Variants in SYNPO2 observed in about 807,000 individuals in gnomAD.
SYNPO2 encodes the protein synaptopodin-2.
In SYNPO2, 56 loss-of-function variants were observed where a neutral mutation model predicts 85.0. The observed-to-expected ratio is 0.66, with a 90% confidence interval of 0.53 to 0.82. SYNPO2 has a LOEUF of 0.82. Ranked by LOEUF, SYNPO2 falls within the 40% of genes least tolerant of loss-of-function variation. The pLI, the probability that SYNPO2 is intolerant of heterozygous loss-of-function variation, is 0.00. For missense variants in SYNPO2, 1,575 were observed against 1,534.2 expected (o/e 1.03, Z -0.44); for synonymous variants, 602 against 591.1 (o/e 1.02, Z -0.27).
rs898072732 is a variant in SYNPO2, at chr4:119,032,625, A to G, written c.3252+598A>G. The G allele has an allele frequency of 8.1e-6, 8 of 988,692 alleles. No individual in the cohort carries two copies. In the African/African-American group the frequency reaches 1.4e-4, roughly 17 times the overall value. The allele number at this position is 988,692 out of a possible 1,614,324, so 61.2% of individuals were successfully genotyped here. The stretch of plus-strand genomic sequence containing the variant: ...GTTGGAATGTATATAGTTTAGTAAG[A>G]AGTGGGTAAGAAAGAGGGTCTTAAT... On this transcript the variant is annotated intron_variant, in intron 4 of 4. Transcript: ENST00000307142.
In SYNPO2 at chr4:118,989,259, G is replaced by T. The variant is rs527830059; in HGVS notation, c.106-34171G>T. On this transcript the variant is annotated intron_variant, in intron 1 of 4. Coordinates refer to ENST00000307142, the MANE Select transcript of SYNPO2 (RefSeq NM_133477.3). Reference sequence around the variant, plus strand: ...CCCTGGCTCATGATTATGCCTGTGGGATGTTGTGCCCATAGCTTGAGAGGA... The same window carrying T: ...CCCTGGCTCATGATTATGCCTGTGGTATGTTGTGCCCATAGCTTGAGAGGA... Among the ~76,000 whole-genome samples the T allele has an allele frequency of 2.0e-5, 3 of 152,312 alleles. No homozygotes were observed. In the East Asian group the frequency reaches 5.8e-4, roughly 29 times the overall value.
intron 1 of SYNPO2, among the ~76,000 whole-genome samples, chr4:119,009,806 T>C (rs1737223190): frequency 6.6e-6 from 1 of 152,172 alleles, no homozygotes; most frequent in Non-Finnish European, 1.5e-5. Flanking sequence ...CCATTAATGG[T>C]TTATGAGCTT....
chr4:119,019,507 TGA>T (rs1036934968), intron 1 of SYNPO2, among the ~76,000 whole-genome samples: 1 of 152,146 alleles, frequency 6.6e-6, no homozygotes, highest in African/African-American at 2.4e-5. Context: ...TATAACACAT[TGA>T]GTCATAATAT....
At chr4:118,966,599 T>G (rs1258953885) in intron 1 of SYNPO2, among the ~76,000 whole-genome samples, 1 of 152,216 alleles carries the variant, frequency 6.6e-6, no homozygotes, top group Non-Finnish European at 1.5e-5. Context: ...CTAGTTCATA[T>G]GAAGCATTTA....
At chr4:118,894,158 A>G (rs1164671742) in intron 1 of SYNPO2, among the ~76,000 whole-genome samples, 1 of 152,026 alleles carries the variant, frequency 6.6e-6, no homozygotes, top group Non-Finnish European at 1.5e-5. Flanking sequence ...GGTTAAAAAA[A>G]AAAGTGAGGC....
At position 118,853,360 on chromosome 4, in the gene SYNPO2, T is replaced by C. The variant is rs75402666; in HGVS notation, c.12+2420T>C. ...CCCACTTATGTTTATTCTCTTCATATACCATCAAATTTAGGATATTTCCCC... is the reference window on the plus strand; with the variant it reads ...CCCACTTATGTTTATTCTCTTCATACACCATCAAATTTAGGATATTTCCCC... On this transcript the variant is annotated intron_variant, in intron 1 of 4. Coordinates refer to the SYNPO2 transcript ENST00000610556. Among the ~76,000 whole-genome samples the C allele has an allele frequency of 6.5e-3, 994 of 152,298 alleles. 14 individuals carry two copies. Among genetic ancestry groups the C allele is most frequent in the African/African-American group, 0.023 (954 of 41,576 alleles).
rs769393870 is a variant in SYNPO2 at position 119,030,797 on chromosome 4, C to A, written c.2022C>A (p.Ile674=). 7.4e-5 allele frequency: 120 copies of A among 1,613,982 alleles called. No individual in the cohort carries two copies. The highest frequency in any genetic ancestry group is 1.7e-5 in the Admixed American group (1 of 59,986). Residue 674 remains isoleucine (I), a synonymous_variant, in exon 4 of 5, where the codon ATC becomes ATA. Transcript: ENST00000307142. ...GAATAGCTTCCCGAGATGAGAGGAT[C>A]TCAGTGCCAGCAAAAAGAACAGGAA... The part of the protein sequence containing the change: ...SERIASRDER[I]SVPAKRTGIL...
At chr4:118,868,058 A>C (rs1466618613) in intron 1 of SYNPO2, among the ~76,000 whole-genome samples, 2 of 151,896 alleles carry the variant, frequency 1.3e-5, no homozygotes, top group African/African-American at 2.4e-5. Context: ...TAAAAAAAAA[A>C]AAAAAACTAC....
chr4:119,031,082 C>T lies in SYNPO2; in HGVS notation c.2307C>T (p.Ser769=). 1 of 1,614,122 alleles carries T rather than the reference C, an allele frequency of 6.2e-7. No individual in the cohort carries two copies. The highest frequency in any genetic ancestry group is 8.5e-7 in the Non-Finnish European group (1 of 1,180,020). The change falls in exon 4 of 5, where the codon TCC becomes TCT. Residue 769 remains serine (S), a synonymous_variant. Transcript: ENST00000307142. ...VAPKPAVKSS[S]SQPVTPVSPV... Reference sequence around the variant, plus strand: ...CAAAACCTGCAGTCAAGTCCTCATCCTCCCAACCAGTAACTCCAGTTTCCC... The same window carrying T: ...CAAAACCTGCAGTCAAGTCCTCATCTTCCCAACCAGTAACTCCAGTTTCCC...
At chr4:119,009,593 A>G (rs1394073787) in intron 1 of SYNPO2, among the ~76,000 whole-genome samples, 1 of 152,158 alleles carries the variant, frequency 6.6e-6, no homozygotes, top group Non-Finnish European at 1.5e-5. Context: ...TTTATAGAAA[A>G]TAACACCATG....
At position 119,031,943 on chromosome 4, in the gene SYNPO2, G is replaced by A. The variant is rs763385047; in HGVS notation, c.3168G>A (p.Ser1056=). ...ASPVPVGIPT[S]PKQESASSSY... is the part of the protein sequence containing the mutation. ...CAGTGCCTGTGGGCATTCCCACCTC[G>A]CCAAAGCAAGAATCAGCCTCATCAT... The change falls in exon 4 of 5, where the codon TCG becomes TCA. Residue 1056 remains serine (S), a synonymous_variant. Transcript: ENST00000307142. The A allele has an allele frequency of 4.5e-5, 72 of 1,614,164 alleles. No homozygotes were observed. The highest frequency in any genetic ancestry group is 4.1e-4 in the South Asian group (37 of 91,072).
At chr4:118,977,134 G>C (rs1735797003) in intron 1 of SYNPO2, among the ~76,000 whole-genome samples, 1 of 152,228 alleles carries the variant, frequency 6.6e-6, no homozygotes, top group Non-Finnish European at 1.5e-5. Flanking sequence ...GGCCGCACAG[G>C]AGCCCATGGA....
At position 118,956,532 on chromosome 4, in the gene SYNPO2, A is replaced by G. The variant is rs191334022; in HGVS notation, c.106-66898A>G. 5.9e-5 allele frequency among the ~76,000 whole-genome samples: 9 copies of G among 152,306 alleles called. No homozygotes were observed. In the East Asian group the frequency reaches 1.7e-3, roughly 29 times the overall value. ...TTTGTGAAAATCAAAATTATTTCCTATTGGGTAAATCAATTATTCCTTATT... is the reference window on the plus strand; with the variant it reads ...TTTGTGAAAATCAAAATTATTTCCTGTTGGGTAAATCAATTATTCCTTATT... On this transcript the variant is annotated intron_variant, in intron 1 of 4. Coordinates refer to ENST00000307142, the MANE Select transcript of SYNPO2 (RefSeq NM_133477.3).
intron 1 of SYNPO2, among the ~76,000 whole-genome samples, chr4:118,872,173 G>T (rs940462324): frequency 1.3e-5 from 2 of 152,116 alleles, no homozygotes; most frequent in Non-Finnish European, 2.9e-5. Flanking sequence ...ATTATATGCA[G>T]ATATTATGCA....
At chr4:119,028,027 T>C (rs1455834716) in intron 3 of SYNPO2, among the ~76,000 whole-genome samples, 1 of 152,190 alleles carries the variant, frequency 6.6e-6, no homozygotes, top group Non-Finnish European at 1.5e-5. Context: ...TCATCTACCT[T>C]CTAGACACAG....
chr4:118,918,426 G>A (rs889420338), intron 1 of SYNPO2, among the ~76,000 whole-genome samples: 1 of 152,038 alleles, frequency 6.6e-6, no homozygotes, highest in Non-Finnish European at 1.5e-5. Flanking sequence ...TATTCTGTTC[G>A]TTGGTTGTTG....
chr4:118,914,947 C>T (rs2149125678), intron 1 of SYNPO2, among the ~76,000 whole-genome samples: 1 of 150,830 alleles, frequency 6.6e-6, no homozygotes, highest in Non-Finnish European at 1.5e-5. Context: ...GTTTTATATA[C>T]TTCATTTTGA....
chr4:118,891,380 T>C (rs935093351), intron 1 of SYNPO2, among the ~76,000 whole-genome samples: 1 of 152,228 alleles, frequency 6.6e-6, no homozygotes, highest in Non-Finnish European at 1.5e-5. Context: ...GTCTACAGTC[T>C]ACCTTTTGTC....
intron 1 of SYNPO2, among the ~76,000 whole-genome samples, chr4:118,890,219 T>C (rs1277772894): frequency 6.6e-6 from 1 of 151,992 alleles, no homozygotes; most frequent in African/African-American, 2.4e-5. Context: ...TTGAAACTCC[T>C]TTTTGCTTCC....
Sources: allele counts gnomAD v4.1 joint callset (sites outside exome capture counted in the v4.1 genomes callset), GRCh38; gene constraint gnomAD v4.1.1; transcripts MANE v1.5; gene names NCBI Gene and HGNC (gene_info 2026-07-23, HGNC 2026-07-21).